CORO2A: variants seen among roughly 807,000 people sequenced by gnomAD.
CORO2A encodes coronin-2A.
Under a neutral mutation model 62.4 loss-of-function variants are expected in CORO2A, and 47 were observed. The ratio of observed to expected loss-of-function variants is 0.75; its 90% CI spans 0.60 to 0.96. CORO2A has a LOEUF of 0.96. CORO2A is among the 40% of genes least tolerant of loss of function. The pLI, the probability that CORO2A is intolerant of heterozygous loss-of-function variation, is 0.00. For synonymous variants in CORO2A, 273 were observed against 268.9 expected, an observed-to-expected ratio of 1.02 and a Z score of -0.15; for missense variants, 610 against 684.1, an observed-to-expected ratio of 0.89 and a Z score of 1.21.
intron 2 of CORO2A, among the ~76,000 whole-genome samples, chr9:98,141,404 T>C (rs1284999226): frequency 7.0e-6 from 1 of 143,750 alleles, no homozygotes; most frequent in Non-Finnish European, 1.5e-5. Context: ...CAGGCTGGGG[T>C]GCAGCGGTGC....
intron 2 of CORO2A, among the ~76,000 whole-genome samples, chr9:98,156,266 T>C (rs2118872979): frequency 6.6e-6 from 1 of 152,258 alleles, no homozygotes; most frequent in African/African-American, 2.4e-5. Context: ...TCTCAAACTC[T>C]TGGGCTTAAG....
At chr9:98,148,014 A>G (rs923390017) in intron 2 of CORO2A, among the ~76,000 whole-genome samples, 6 of 151,208 alleles carry the variant, frequency 4.0e-5, no homozygotes, top group African/African-American at 1.5e-4. Flanking sequence ...TGGGAGGCTG[A>G]GGCAAGAGGA....
At position 98,124,852 on chromosome 9, in the gene CORO2A, C is replaced by T. The variant is rs751084669; in HGVS notation, c.1500G>A (p.Leu500=). 1.3e-6 allele frequency: 2 copies of T among 1,598,670 alleles called. No homozygotes were observed. Among genetic ancestry groups the T allele is most frequent in the Non-Finnish European group, 1.7e-6 (2 of 1,171,094 alleles). ...QQEEIRRLRE[L]LTQREVQAKQ... is the part of the protein sequence containing the mutation. Reference sequence around the variant, plus strand: ...TGGCCTGGACCTCTCGCTGGGTCAACAGCTCCCGGAGCCTTCGGATCTCCT... The same window carrying T: ...TGGCCTGGACCTCTCGCTGGGTCAATAGCTCCCGGAGCCTTCGGATCTCCT... The change falls in exon 12 of 12, where the codon CTG becomes CTA. Residue 500 remains leucine, a synonymous_variant. Transcript: ENST00000375077.
At chr9:98,169,560 C>T (rs1275246901) in intron 1 of CORO2A, among the ~76,000 whole-genome samples, 3 of 152,098 alleles carry the variant, frequency 2.0e-5, no homozygotes, top group South Asian at 4.1e-4. Context: ...ACCCCGGGTC[C>T]CCTCTGTCCT....
intron 2 of CORO2A, among the ~76,000 whole-genome samples, chr9:98,152,449 C>T (rs1466936422): frequency 6.6e-6 from 1 of 151,990 alleles, no homozygotes; most frequent in South Asian, 2.1e-4. Context: ...TCCACTATGC[C>T]TGGTTAATTT....
At chr9:98,173,360 G>A (rs1330916031) in intron 1 of CORO2A, among the ~76,000 whole-genome samples, 1 of 152,148 alleles carries the variant, frequency 6.6e-6, no homozygotes, top group Non-Finnish European at 1.5e-5. Flanking sequence ...CTGGGGGCGC[G>A]GAGGATTATC....
intron 3 of CORO2A, among the ~76,000 whole-genome samples, chr9:98,136,327 T>A (rs1233104620): frequency 6.6e-6 from 1 of 152,254 alleles, no homozygotes; most frequent in Non-Finnish European, 1.5e-5. Flanking sequence ...GCAGACACTG[T>A]CCTTTACGTT....
intron 2 of CORO2A, among the ~76,000 whole-genome samples, chr9:98,139,278 T>G (rs1827535000): frequency 6.6e-6 from 1 of 151,588 alleles, no homozygotes; most frequent in Non-Finnish European, 1.5e-5. Context: ...ACTATACACC[T>G]TAAAACGGTG....
At chr9:98,181,334 CTT>C (rs575456152) in intron 1 of CORO2A, among the ~76,000 whole-genome samples, 13 of 112,214 alleles carry the variant, frequency 1.2e-4, no homozygotes, top group Admixed American at 2.8e-4. Flanking sequence ...CTCTCTCTTG[CTT>C]TTTTTTTTTT....
At chr9:98,175,667 A>G (rs1212772876) in intron 1 of CORO2A, among the ~76,000 whole-genome samples, 1 of 152,174 alleles carries the variant, frequency 6.6e-6, no homozygotes, top group Non-Finnish European at 1.5e-5. Context: ...ACACAACACA[A>G]TCGCATGGAG....
Position 98,126,539 on chromosome 9 carries a change from T to C in CORO2A, c.1446+10A>G, listed in dbSNP as rs1283132096. The stretch of plus-strand genomic sequence containing the variant: ...CCCATGTGAAAGGCCCACCCCGTCC[T>C]CCTTCACACCTCATTCTCTGTCTTT... On this transcript the variant is annotated intron_variant, in intron 11 of 11. Coordinates refer to ENST00000375077, the MANE Select transcript of CORO2A (RefSeq NM_052820.4). The C allele has an allele frequency of 1.9e-6, 3 of 1,609,534 alleles. No individual in the cohort carries two copies. Among genetic ancestry groups the C allele is most frequent in the Non-Finnish European group, 2.6e-6 (3 of 1,176,298 alleles).
chr9:98,173,316 C>T (rs765063815), intron 1 of CORO2A, among the ~76,000 whole-genome samples: 1 of 152,206 alleles, frequency 6.6e-6, no homozygotes, highest in Non-Finnish European at 1.5e-5. Flanking sequence ...CTCTATGATT[C>T]ACAACTATCG....
chr9:98,141,825 A>C (rs555243960), intron 2 of CORO2A, among the ~76,000 whole-genome samples: 31 of 152,324 alleles, frequency 2.0e-4, no homozygotes, highest in African/African-American at 7.2e-4. Flanking sequence ...GATTGTTGAG[A>C]GTTAAATGAG....
intron 2 of CORO2A, among the ~76,000 whole-genome samples, chr9:98,154,217 T>C (rs1827768562): frequency 6.6e-6 from 1 of 151,592 alleles, no homozygotes; most frequent in African/African-American, 2.4e-5. Flanking sequence ...AAGTTGTTCA[T>C]CTTTTTTATT....
At chr9:98,125,709 A>ATTTT (rs993617176) in intron 11 of CORO2A, among the ~76,000 whole-genome samples, 37 of 89,594 alleles carry the variant, frequency 4.1e-4, no homozygotes, top group South Asian at 8.3e-4. Context: ...GTTTCCCACC[A>ATTTT]TTTTTTTTTT....
intron 1 of CORO2A, among the ~76,000 whole-genome samples, chr9:98,184,127 A>T (rs1158459576): frequency 1.3e-5 from 2 of 152,170 alleles, no homozygotes; most frequent in African/African-American, 4.8e-5. Flanking sequence ...AGATTTTGAT[A>T]TCCTTGGGTG....
At chr9:98,177,374 C>T (rs532211021) in intron 1 of CORO2A, among the ~76,000 whole-genome samples, 1 of 151,366 alleles carries the variant, frequency 6.6e-6, no homozygotes, top group East Asian at 1.9e-4. Flanking sequence ...TGGAGCAACG[C>T]TTGATCACAA....
intron 10 of CORO2A, among the ~76,000 whole-genome samples, chr9:98,127,513 CAAG>C (rs1827341582): frequency 6.6e-6 from 1 of 151,994 alleles, no homozygotes; most frequent in African/African-American, 2.4e-5. Flanking sequence ...CTTCTTGGGT[CAAG>C]AAGAATTGCA....
At chr9:98,179,962 C>G (rs778831054) in intron 1 of CORO2A, among the ~76,000 whole-genome samples, 1 of 152,128 alleles carries the variant, frequency 6.6e-6, no homozygotes, top group African/African-American at 2.4e-5. Context: ...GAGATCACGC[C>G]ACTGCACTCC....
Sources: gnomAD v4.1 joint callset for allele counts (sites outside exome capture counted in the v4.1 genomes callset) on GRCh38, gnomAD v4.1.1 for gene constraint, MANE v1.5 for transcripts, NCBI Gene and HGNC (gene_info 2026-07-23, HGNC 2026-07-21) for gene names.